Variants in ACYP2 observed in about 807,000 individuals in gnomAD.
ACYP2 encodes the protein acylphosphatase 2, also known as acylphosphatase-2.
ACYP2 carries 12 observed loss-of-function variants against 11.2 expected under a neutral mutation model. The observed-to-expected ratio is 1.08, with a 90% CI of 0.69 to 1.74. The LOEUF (loss-of-function observed/expected upper bound fraction) is 1.74. Among genes scored for constraint, ACYP2 ranks in the 40% most tolerant of loss-of-function variants. The probability of loss-of-function intolerance (pLI) is 0.00; values close to 1 mark genes in which losing one functional copy is unlikely to be tolerated. For missense variants in ACYP2, 134 were observed against 101.9 expected (o/e 1.31, Z -1.35); for synonymous variants, 43 against 32.2 (o/e 1.33, Z -1.13).
intron 6 of ACYP2, among the ~76,000 whole-genome samples, chr2:54,205,241 T>C (rs1572933433): frequency 6.6e-6 from 1 of 152,134 alleles, no homozygotes; most frequent in African/African-American, 2.4e-5. Flanking sequence ...ATATTGCCAG[T>C]AACCCATGGG....
At chr2:54,126,451 C>G (rs1366976615) in intron 4 of ACYP2, among the ~76,000 whole-genome samples, 1 of 151,972 alleles carries the variant, frequency 6.6e-6, no homozygotes, top group Non-Finnish European at 1.5e-5. Flanking sequence ...ACTCAAAAAG[C>G]CAGGATGTCA....
intron 4 of ACYP2, among the ~76,000 whole-genome samples, chr2:54,091,043 A>C (rs1383652735): frequency 3.9e-5 from 6 of 152,248 alleles, no homozygotes; most frequent in Non-Finnish European, 8.8e-5. Context: ...CTATTTTTAA[A>C]ATAGGCAGAG....
At position 54,305,050 on chromosome 2, in the gene ACYP2, A is replaced by G. The variant is rs1689866717; in HGVS notation, c.*248A>G. The G allele has an allele frequency of 3.6e-6, 1 of 278,754 alleles. No homozygotes were observed. Among genetic ancestry groups the G allele is most frequent in the African/African-American group, 2.2e-5 (1 of 45,808 alleles). The allele number at this position is 278,754 out of a possible 1,614,324, so 17.3% of individuals were successfully genotyped here. On this transcript the variant is annotated 3_prime_UTR_variant, in exon 7 of 7. Transcript: ENST00000607452. ...AATATTTAGTGTGAACATTTAATTT[A>G]AACTTGTCTCATGGAATCTTTAATT... is the stretch of plus-strand genomic sequence containing the variant.
At chr2:54,128,297 C>T (rs556879301) in intron 4 of ACYP2, among the ~76,000 whole-genome samples, 4 of 152,288 alleles carry the variant, frequency 2.6e-5, no homozygotes, top group South Asian at 2.1e-4. Context: ...CATCATTTAA[C>T]GTGTTTTGTA....
At chr2:54,218,249 ATC>A (rs1685639386) in intron 6 of ACYP2, among the ~76,000 whole-genome samples, 2 of 152,190 alleles carry the variant, frequency 1.3e-5, no homozygotes, top group South Asian at 4.1e-4. Context: ...TTGTTAACAT[ATC>A]TATGAGACTG....
intron 4 of ACYP2, among the ~76,000 whole-genome samples, chr2:54,083,630 A>T (rs944720177): frequency 6.6e-6 from 1 of 152,198 alleles, no homozygotes; most frequent in Non-Finnish European, 1.5e-5. Flanking sequence ...ATGACTCTCT[A>T]CACAAACATG....
chr2:53,988,646 G>A (rs1171799268), intron 2 of ACYP2, among the ~76,000 whole-genome samples: 1 of 151,618 alleles, frequency 6.6e-6, no homozygotes, highest in Admixed American at 6.6e-5. Flanking sequence ...GGCTGGCATT[G>A]AGCTCCTGGG....
intron 2 of ACYP2, among the ~76,000 whole-genome samples, chr2:54,013,621 G>A (rs892223114): frequency 1.3e-4 from 20 of 151,242 alleles, no homozygotes; most frequent in Admixed American, 9.3e-4. Context: ...AACTTTAACC[G>A]ATGTATTATT....
At chr2:54,000,398 T>C (rs1181165064) in intron 2 of ACYP2, among the ~76,000 whole-genome samples, 2 of 152,202 alleles carry the variant, frequency 1.3e-5, no homozygotes, top group Non-Finnish European at 2.9e-5. Context: ...ATAAGGTTTC[T>C]GGAATCCATG....
chr2:53,994,726 A>C (rs577838248), intron 2 of ACYP2, among the ~76,000 whole-genome samples: 1 of 152,326 alleles, frequency 6.6e-6, no homozygotes, highest in South Asian at 2.1e-4. Context: ...AAACTACTAT[A>C]GGATAGCAAT....
chr2:54,014,708 A>G (rs1673582780), intron 2 of ACYP2, among the ~76,000 whole-genome samples: 1 of 152,000 alleles, frequency 6.6e-6, no homozygotes, highest in East Asian at 1.9e-4. Context: ...TGAGCAAACT[A>G]TAATAATAAA....
At chr2:54,294,027 GC>G (rs1689421260) in intron 6 of ACYP2, among the ~76,000 whole-genome samples, 1 of 152,110 alleles carries the variant, frequency 6.6e-6, no homozygotes, top group South Asian at 2.1e-4. Flanking sequence ...CATCACATTA[GC>G]TTTTAATTCA....
chr2:54,042,628 G>C (rs967660024), intron 2 of ACYP2, among the ~76,000 whole-genome samples: 1 of 152,022 alleles, frequency 6.6e-6, no homozygotes, highest in South Asian at 2.1e-4. Context: ...ATTTTTATTA[G>C]TGTCTGGTAA....
chr2:54,233,494 T>C (rs138494574), intron 6 of ACYP2, among the ~76,000 whole-genome samples: 111 of 152,078 alleles, frequency 7.3e-4, no homozygotes, highest in African/African-American at 2.2e-3. Context: ...TTTGTAGAAA[T>C]GGGGTTTCAC....
At chr2:54,303,286 G>A (rs1040536204) in intron 6 of ACYP2, among the ~76,000 whole-genome samples, 1 of 152,130 alleles carries the variant, frequency 6.6e-6, no homozygotes, top group South Asian at 2.1e-4. Context: ...TGAAGGTCAA[G>A]GCTGCAGTGA....
chr2:54,068,309 G>A (rs1295519795), intron 4 of ACYP2, among the ~76,000 whole-genome samples: 3 of 152,116 alleles, frequency 2.0e-5, no homozygotes, highest in Non-Finnish European at 4.4e-5. Flanking sequence ...TAAAAGACCC[G>A]TTGAATACTT....
Position 54,304,966 on chromosome 2 carries a change from C to T in ACYP2, c.*164C>T. On this transcript the variant is annotated 3_prime_UTR_variant, in exon 7 of 7. Coordinates refer to ENST00000607452, the MANE Select transcript of ACYP2 (RefSeq NM_001320586.2). The stretch of plus-strand genomic sequence containing the variant: ...AATGTCTGACACTGAAATAATTTTA[C>T]TCAACTATGTTTTCAACAAGCAAAA... The T allele has an allele frequency of 2.4e-6, 1 of 421,702 alleles. No homozygotes were observed. Among genetic ancestry groups the T allele is most frequent in the Non-Finnish European group, 4.2e-6 (1 of 239,300 alleles). 26.1% of individuals were successfully genotyped at this position (421,702 alleles called of 1,614,324 possible). A position where few individuals can be genotyped will look rare whatever the true frequency, so the allele number is the denominator to read the frequency against.
At chr2:54,234,835 G>A (rs186113076) in intron 6 of ACYP2, among the ~76,000 whole-genome samples, 16 of 152,234 alleles carry the variant, frequency 1.1e-4, no homozygotes, top group Admixed American at 3.3e-4. Context: ...AAGCATCAGG[G>A]TTTAGCCATT....
At chr2:54,066,079 A>C (rs1180178907) in intron 4 of ACYP2, 1 of 152,188 alleles carries the variant, frequency 6.6e-6, no homozygotes, top group African/African-American at 2.4e-5. Flanking sequence ...CCATGTGTTT[A>C]TTCGACTCTC....
Sources: allele counts gnomAD v4.1 joint callset (sites outside exome capture counted in the v4.1 genomes callset), GRCh38; gene constraint gnomAD v4.1.1; transcripts MANE v1.5; gene names NCBI Gene and HGNC (gene_info 2026-07-23, HGNC 2026-07-21).